The following CPNE7 variants were observed in gnomAD, a reference collection of about 807,000 sequenced individuals.
CPNE7 encodes copine-7.
Under a neutral mutation model 66.5 loss-of-function variants are expected in CPNE7, and 78 were observed. The observed-to-expected ratio is 1.17, with a 90% CI of 0.98 to 1.42. The LOEUF (loss-of-function observed/expected upper bound fraction) is 1.42. Ranked by LOEUF, CPNE7 falls within the 40% of genes most tolerant of loss-of-function variation. The probability of loss-of-function intolerance (pLI) is 0.00; values close to 1 mark genes in which losing one functional copy is unlikely to be tolerated. For synonymous variants in CPNE7, 468 were observed against 336.7 expected (o/e 1.39, Z -4.27); for missense variants, 1,012 against 776.6 (o/e 1.30, Z -3.60).
chr16:89,579,398 G>A (rs182198106), intron 2 of CPNE7, among the ~76,000 whole-genome samples: 175 of 150,762 alleles, frequency 1.2e-3, no homozygotes, highest in African/African-American at 4.0e-3. Flanking sequence ...AGAACATCCC[G>A]TCACACGGAA....
intron 13 of CPNE7, chr16:89,594,212 A>T (rs1363714812): frequency 1.5e-5 from 1 of 66,978 alleles, no homozygotes. Flanking sequence ...TGGGGGCCTC[A>T]TCTGGGGTTG....
chr16:89,583,454 C>G (rs889868614), intron 2 of CPNE7: 3 of 1,550,404 alleles, frequency 1.9e-6, no homozygotes, highest in African/African-American at 2.7e-5. Flanking sequence ...GTATGATGAC[C>G]TCTGCCTCCC....
rs776240625 is a variant in CPNE7, at chr16:89,595,545, G to A, written c.1481G>A (p.Arg494Gln). 8.1e-6 allele frequency: 13 copies of A among 1,612,142 alleles called. No homozygotes were observed. Among genetic ancestry groups the A allele is most frequent in the Middle Eastern group, 1.6e-4 (1 of 6,084 alleles). Residue 494 changes from arginine to glutamine, a missense_variant, in exon 14 of 15, where the codon CGG becomes CAG. Coordinates refer to ENST00000319518, the MANE Select transcript of CPNE7 (RefSeq NM_153636.3). ...GACGACGGCGTCCTGCGCTCCCCAC[G>A]GGGTGAGCCCGCGCTCCGGGACATC... ...DGDDGVLRSPRGEPALRDIVQ... is the reference protein window; with the variant it reads ...DGDDGVLRSPQGEPALRDIVQ...
chr16:89,582,967 C>T (rs1056104436), intron 2 of CPNE7, among the ~76,000 whole-genome samples: 1 of 152,234 alleles, frequency 6.6e-6, no homozygotes, highest in East Asian at 1.9e-4. Flanking sequence ...CGTGTGCCCC[C>T]GTCCTGCTCC....
chr16:89,578,831 T>TG (rs753308974), intron 2 of CPNE7: 8 of 1,586,386 alleles, frequency 5.0e-6, no homozygotes, highest in Non-Finnish European at 6.9e-6. Context: ...TCCTTGGTGA[T>TG]GCTCTCTGGG....
rs1025139479 is a variant in CPNE7, at chr16:89,588,761, C to T, written c.1014C>T (p.Tyr338=). Residue 338 remains tyrosine, a synonymous_variant, in exon 10 of 15, where the codon TAC becomes TAT. Coordinates refer to ENST00000319518, the MANE Select transcript of CPNE7 (RefSeq NM_153636.3). ...HYINPYQPNE[Y]LKALVSVGEI... is the part of the protein sequence containing the mutation. ...TCAACCCCTACCAGCCGAACGAGTA[C>T]CTGAAGGCACTGGTGTCCGTGGGCG... 7.4e-6 allele frequency: 12 copies of T among 1,613,658 alleles called. No homozygotes were observed. The African/African-American group carries it at 1.2e-4, about 16-fold the overall frequency.
At chr16:89,593,179 C>T (rs1014903431) in intron 13 of CPNE7, among the ~76,000 whole-genome samples, 9 of 151,966 alleles carry the variant, frequency 5.9e-5, no homozygotes, top group Admixed American at 5.9e-4. Flanking sequence ...TCAAACATCA[C>T]CCGTCTACTT....
intron 2 of CPNE7, among the ~76,000 whole-genome samples, chr16:89,583,055 G>A (rs1358884816): frequency 6.6e-6 from 1 of 152,246 alleles, no homozygotes; most frequent in Non-Finnish European, 1.5e-5. Context: ...ATAGCCGATG[G>A]GGCGGAAGTC....
intron 13 of CPNE7, among the ~76,000 whole-genome samples, chr16:89,593,476 C>T (rs1215834915): frequency 3.9e-5 from 6 of 152,030 alleles, no homozygotes; most frequent in Admixed American, 3.3e-4. Context: ...CCTCAGCCTC[C>T]CAAATAGCTG....
At chr16:89,588,924 G>A (rs767189327) in intron 10 of CPNE7, 116 bp downstream of exon 10, 484 of 1,354,666 alleles carry the variant, frequency 3.6e-4, no homozygotes, top group African/African-American at 1.2e-3. Context: ...AGGTGCACCC[G>A]GCCGGTTTTC....
chr16:89,586,536 G>A, intron 7 of CPNE7, 134 bp from the exon 8 acceptor site: 1 of 675,588 alleles, frequency 1.5e-6, no homozygotes, highest in Non-Finnish European at 2.6e-6. Context: ...CTGCTGCCCT[G>A]CAGCAGTGCC....
Position 89,591,124 on chromosome 16 carries a change from C to T in CPNE7, c.1169-3C>T, listed in dbSNP as rs1597717341. On this transcript the variant is annotated splice_polypyrimidine_tract_variant and splice_region_variant and intron_variant, in intron 12 of 14. Transcript: ENST00000319518. ...GGCCGGGCTCACCCCCTGCCCCCCACAGGCATCCAGGGCGTGGTGGAGGCC... is the reference window on the plus strand; with the variant it reads ...GGCCGGGCTCACCCCCTGCCCCCCATAGGCATCCAGGGCGTGGTGGAGGCC... 1 of 1,612,400 alleles carries T rather than the reference C, an allele frequency of 6.2e-7. No individual in the cohort carries two copies. The highest frequency in any genetic ancestry group is 8.5e-7 in the Non-Finnish European group (1 of 1,179,594).
Position 89,584,817 on chromosome 16 carries a change from TCAA to T in CPNE7, c.553_555del (p.Asn185del). 6.2e-7 allele frequency: 1 copy of T among 1,613,558 alleles called. No homozygotes were observed. The highest frequency in any genetic ancestry group is 8.5e-7 in the Non-Finnish European group (1 of 1,179,930). ...GACCCCTTCCTGGAGCTCTACAGGG[TCAA>T]CGACGACCAGGGCTTGCAGCTGGTG... is the stretch of plus-strand genomic sequence containing the variant. On this transcript the variant is annotated inframe_deletion, in exon 5 of 15. Coordinates refer to ENST00000319518, the MANE Select transcript of CPNE7 (RefSeq NM_153636.3). The surrounding 1 kb of genome is among the most constrained non-coding windows in gnomAD (Gnocchi z 6.0).
Position 89,585,723 on chromosome 16 carries a change from G to A in CPNE7, c.718G>A (p.Asp240Asn), listed in dbSNP as rs555304331. ...VWDYDSRGKH[D>N]FIGEFSTTFE... ...GGATTACGACTCTCGAGGAAAGCACGACTTCATCGGAGAATTCTCTACCAC... is the reference window on the plus strand; with the variant it reads ...GGATTACGACTCTCGAGGAAAGCACAACTTCATCGGAGAATTCTCTACCAC... The change falls in exon 7 of 15, where the codon GAC becomes AAC. Residue 240 changes from aspartate to asparagine, a missense_variant. Physicochemically the swap from Asp to Asn is conservative, Grantham distance 23 (BLOSUM62 1). Coordinates refer to ENST00000319518, the MANE Select transcript of CPNE7 (RefSeq NM_153636.3). 2.1e-5 allele frequency: 33 copies of A among 1,547,164 alleles called. No homozygotes were observed. Among genetic ancestry groups the A allele is most frequent in the Non-Finnish European group, 2.5e-5 (29 of 1,146,098 alleles).
Position 89,584,956 on chromosome 16 carries a change from G to A in CPNE7, c.591+99G>A. On this transcript the variant is annotated intron_variant, in intron 5 of 14. Coordinates refer to ENST00000319518, the MANE Select transcript of CPNE7 (RefSeq NM_153636.3). This position sits in a 1 kb window ranked among gnomAD's most constrained non-coding sequence, Gnocchi z 6.0. ...GGAGGAGCTCCCAGCCTCCAACAGG[G>A]AGCTGTGGGCGCAGGGCTTTGGTGG... 1.8e-6 allele frequency: 2 copies of A among 1,093,326 alleles called. No individual in the cohort carries two copies. Among genetic ancestry groups the A allele is most frequent in the Non-Finnish European group, 1.4e-6 (1 of 731,566 alleles). The allele number at this position is 1,093,326 out of a possible 1,614,324, so 67.7% of individuals were successfully genotyped here.
chr16:89,591,314 A>AC, intron 13 of CPNE7, 54 bp downstream of exon 13: 1 of 1,489,678 alleles, frequency 6.7e-7, no homozygotes, highest in Non-Finnish European at 8.9e-7. Context: ...CTGTGTGTGC[A>AC]CCAGCGCGTG....
intron 13 of CPNE7, 108 bp downstream of exon 13, chr16:89,591,368 G>A: frequency 7.1e-7 from 1 of 1,410,872 alleles, no homozygotes; most frequent in Non-Finnish European, 9.3e-7. Context: ...CAGCGCAGAG[G>A]CCCCCAGGCA....
chr16:89,586,075 G>A (rs1221529243), intron 7 of CPNE7, among the ~76,000 whole-genome samples: 4 of 143,438 alleles, frequency 2.8e-5, no homozygotes, highest in Non-Finnish European at 6.2e-5. Context: ...GGGCCTCTGG[G>A]GAGGGGCAGG....
rs1018863244 is a variant in CPNE7 at position 89,584,702 on chromosome 16, C to T, written c.508-72C>T. On this transcript the variant is annotated intron_variant, in intron 4 of 14. Transcript: ENST00000319518. This position sits in a 1 kb window ranked among gnomAD's most constrained non-coding sequence, Gnocchi z 6.0. ...GTGGCATGAAGTGAGCCCTGGGAAA[C>T]GACAAAGCCAGCTCCCATCCAAAGC... 23 of 1,182,444 alleles carry T rather than the reference C, an allele frequency of 1.9e-5. No homozygotes were observed. Among genetic ancestry groups the T allele is most frequent in the Non-Finnish European group, 2.7e-5 (22 of 807,242 alleles). The allele number at this position is 1,182,444 out of a possible 1,614,324, so 73.2% of individuals were successfully genotyped here.
Sources: allele counts gnomAD v4.1 joint callset (sites outside exome capture counted in the v4.1 genomes callset), GRCh38; gene constraint gnomAD v4.1.1; non-coding constraint Gnocchi (gnomAD v3.1); transcripts MANE v1.5; gene names NCBI Gene and HGNC (gene_info 2026-07-23, HGNC 2026-07-21).